The following SCLT1 variants were observed in gnomAD, a reference collection of about 807,000 sequenced individuals.
SCLT1 encodes sodium channel-associated protein 1.
A neutral mutation model predicts 112.8 loss-of-function variants in SCLT1; 78 were observed. That is an observed-to-expected ratio of 0.69 (90% CI 0.58 to 0.83). SCLT1 has a LOEUF of 0.83. SCLT1 is among the 40% of genes least tolerant of loss of function. The probability of loss-of-function intolerance (pLI) is 0.00; values close to 1 mark genes in which losing one functional copy is unlikely to be tolerated. For missense variants in SCLT1, 747 were observed against 770.4 expected (o/e 0.97, Z 0.36); for synonymous variants, 257 against 254.7 (o/e 1.01, Z -0.09).
chr4:128,905,643 C>T (rs895908569), intron 18 of SCLT1, among the ~76,000 whole-genome samples: 1 of 152,114 alleles, frequency 6.6e-6, no homozygotes. Context: ...AATATTACAG[C>T]ATTCTTTCCC....
In SCLT1 at chr4:128,948,539, C is replaced by T. The variant is rs141916321; in HGVS notation, c.1250G>A (p.Arg417Gln). The change falls in exon 15 of 21, where the codon CGA becomes CAA. Residue 417 changes from arginine to glutamine, a missense_variant. By Grantham distance (43) the Arg-to-Gln change is conservative. Coordinates refer to ENST00000281142, the MANE Select transcript of SCLT1 (RefSeq NM_144643.4). ...CACTGCTTTTTTTTCCTTAATGACT[C>T]GTTCAATTTGGCCTTGTTTTTCAGC... is the stretch of plus-strand genomic sequence containing the variant. ...ECAEKQGQIERVIKEKKAVEE... is the reference protein window; with the variant it reads ...ECAEKQGQIEQVIKEKKAVEE... 1.9e-5 allele frequency: 31 copies of T among 1,606,100 alleles called. No individual in the cohort carries two copies. The highest frequency in any genetic ancestry group is 1.5e-4 in the African/African-American group (11 of 74,474).
chr4:128,942,469 A>G (rs1215364885), intron 17 of SCLT1, among the ~76,000 whole-genome samples: 1 of 152,100 alleles, frequency 6.6e-6, no homozygotes, highest in African/African-American at 2.4e-5. Context: ...TCACCTTCCT[A>G]TTACCAAACC....
rs1340560729 is a variant in SCLT1, at chr4:128,939,200, A to G, written c.1633-2349T>C. Among the ~76,000 whole-genome samples the G allele has an allele frequency of 2.6e-5, 4 of 152,000 alleles. No individual in the cohort carries two copies. In the East Asian group the frequency reaches 7.7e-4, roughly 29 times the overall value. On this transcript the variant is annotated intron_variant, in intron 17 of 20. Transcript: ENST00000281142. ...CACACTATTCCCTTGCCTTTCTTTT[A>G]TTTCCACTATAATGCCTTTTTATTC...
Position 128,899,846 on chromosome 4 carries a change from T to C in SCLT1, c.1830-8709A>G, listed in dbSNP as rs1044325312. Among the ~76,000 whole-genome samples, 8 of 152,290 alleles carry C rather than the reference T, an allele frequency of 5.3e-5. No individual in the cohort carries two copies. The South Asian group carries it at 6.2e-4, about 12-fold the overall frequency. On this transcript the variant is annotated intron_variant, in intron 18 of 20. Transcript: ENST00000281142. ...GCAAAGTCTCAGGATACAAAATCAA[T>C]GTGCAAAAATCACAAGAATTCTTAT...
rs547440577 is a variant in SCLT1, at chr4:128,978,811, A to G, written c.687-8343T>C. On this transcript the variant is annotated intron_variant, in intron 9 of 20. Coordinates refer to ENST00000281142, the MANE Select transcript of SCLT1 (RefSeq NM_144643.4). ...AAAGAGAAACTAAGATTTCAAAACA[A>G]AAAGAATATAACCGAAACATACAGG... 7.2e-5 allele frequency among the ~76,000 whole-genome samples: 11 copies of G among 152,280 alleles called. No homozygotes were observed. In the East Asian group the frequency reaches 1.9e-3, roughly 27 times the overall value.
In SCLT1 at chr4:129,082,297, T is replaced by C. The variant is rs772393763; in HGVS notation, c.102+9A>G. 1.5e-6 allele frequency: 2 copies of C among 1,321,092 alleles called. No homozygotes were observed. The highest frequency in any genetic ancestry group is 5.2e-5 in the East Asian group (2 of 38,434). 81.8% of individuals were successfully genotyped at this position (1,321,092 alleles called of 1,614,324 possible). ...GAATATTCCCAAGTAGAATTTATAA[T>C]TTACATACCTGTACAGATGAATATT... On this transcript the variant is annotated intron_variant, in intron 2 of 20. Coordinates refer to ENST00000281142, the MANE Select transcript of SCLT1 (RefSeq NM_144643.4).
At chr4:128,992,645 C>A (rs1432380126) in intron 8 of SCLT1, among the ~76,000 whole-genome samples, 2 of 152,020 alleles carry the variant, frequency 1.3e-5, no homozygotes, top group African/African-American at 4.8e-5. Context: ...GTGTTCTACA[C>A]TGTCTTTCAG....
intron 3 of SCLT1, among the ~76,000 whole-genome samples, chr4:128,878,951 G>C (rs1207630866): frequency 1.4e-5 from 2 of 147,248 alleles, no homozygotes; most frequent in Admixed American, 1.4e-4. Context: ...GGTAGTGCCA[G>C]TCAGAAAGGG....
chr4:129,065,013 T>A (rs187955556), intron 2 of SCLT1, among the ~76,000 whole-genome samples: 15 of 152,266 alleles, frequency 9.9e-5, no homozygotes, highest in Admixed American at 3.9e-4. Context: ...CTGTGCTGTT[T>A]AGAACCTTTT....
intron 10 of SCLT1, among the ~76,000 whole-genome samples, chr4:128,966,523 C>G (rs1437530160): frequency 6.6e-6 from 1 of 152,156 alleles, no homozygotes; most frequent in Non-Finnish European, 1.5e-5. Context: ...GTTATTAGTT[C>G]TGCTATAAGC....
chr4:129,017,185 G>T (rs1393563526), intron 5 of SCLT1, among the ~76,000 whole-genome samples: 1 of 151,314 alleles, frequency 6.6e-6, no homozygotes, highest in African/African-American at 2.4e-5. Flanking sequence ...AAATTTATGT[G>T]TTTTTTTGTG....
intron 5 of SCLT1, among the ~76,000 whole-genome samples, chr4:129,004,319 A>T (rs1743802238): frequency 6.6e-6 from 1 of 152,160 alleles, no homozygotes; most frequent in Admixed American, 6.5e-5. Context: ...AACTCACTGG[A>T]CTTCTTACTA....
chr4:128,876,619 G>C (rs1732526708), exon 4 of SCLT1: 1 of 152,258 alleles, frequency 6.6e-6, no homozygotes, highest in African/African-American at 2.4e-5. Flanking sequence ...GTTCTAGTCT[G>C]AGGTAGGCTT....
chr4:128,948,374 AACTT>A, intron 15 of SCLT1, 118 bp downstream of exon 15: 1 of 1,186,154 alleles, frequency 8.4e-7, no homozygotes. Flanking sequence ...AGAAAAGAAA[AACTT>A]ACCAGGACAA....
intron 8 of SCLT1, among the ~76,000 whole-genome samples, chr4:128,997,658 A>G (rs1253202632): frequency 5.3e-5 from 8 of 151,924 alleles, no homozygotes; most frequent in Non-Finnish European, 1.2e-4. Context: ...TAAGAATCCT[A>G]AGAGGATTTC....
intron 9 of SCLT1, among the ~76,000 whole-genome samples, chr4:128,991,102 C>A (rs888294491): frequency 2.4e-4 from 36 of 151,622 alleles, no homozygotes; most frequent in African/African-American, 7.0e-4. Context: ...GGGAACCAAA[C>A]AAGACACAGA....
At chr4:128,883,154 C>CAAAAAAAAA (rs1412985271), downstream of SCLT1, among the ~76,000 whole-genome samples, 4 of 37,478 alleles carry the variant, frequency 1.1e-4, no homozygotes, top group African/African-American at 1.6e-4. Flanking sequence ...ACAACAACAA[C>CAAAAAAAAA]AACAAAAAAA....
At chr4:129,056,535 T>C (rs1034110665) in intron 2 of SCLT1, among the ~76,000 whole-genome samples, 3 of 152,234 alleles carry the variant, frequency 2.0e-5, no homozygotes, top group African/African-American at 2.4e-5. Context: ...TATTTACTTA[T>C]AGAAATCTTT....
intron 2 of SCLT1, among the ~76,000 whole-genome samples, chr4:129,057,972 G>C (rs1749593372): frequency 6.6e-6 from 1 of 151,982 alleles, no homozygotes; most frequent in South Asian, 2.1e-4. Flanking sequence ...GGCTGCTCCT[G>C]AACTGGCATC....
Sources: allele counts gnomAD v4.1 joint callset (sites outside exome capture counted in the v4.1 genomes callset), GRCh38; gene constraint gnomAD v4.1.1; transcripts MANE v1.5; gene names NCBI Gene and HGNC (gene_info 2026-07-23, HGNC 2026-07-21).